Variants in LMNTD1 observed in about 807,000 individuals in gnomAD.
The protein encoded by LMNTD1 is lamin tail domain-containing protein 1.
LMNTD1 carries 35 observed loss-of-function variants against 50.9 expected under a neutral mutation model. The ratio of observed to expected loss-of-function variants is 0.69; its 90% CI spans 0.53 to 0.91. The LOEUF is 0.91. Ranked by LOEUF, LMNTD1 falls within the 40% of genes least tolerant of loss-of-function variation. The probability of loss-of-function intolerance (pLI) is 0.00; values close to 1 mark genes in which losing one functional copy is unlikely to be tolerated. For synonymous variants in LMNTD1, 153 were observed against 161.9 expected (o/e 0.94, Z 0.42); for missense variants, 470 against 475.5 (o/e 0.99, Z 0.11).
intron 6 of LMNTD1, among the ~76,000 whole-genome samples, chr12:25,523,536 T>C (rs1018571554): frequency 5.3e-5 from 8 of 152,176 alleles, no homozygotes; most frequent in Admixed American, 4.6e-4. Flanking sequence ...TCCAGGGTCA[T>C]GATGACACTT....
rs1394016666 is a variant in LMNTD1 at position 25,541,249 on chromosome 12, A to T, written c.491+5125T>A. Among the ~76,000 whole-genome samples, 4 of 82,380 alleles carry T rather than the reference A, an allele frequency of 4.9e-5. 1 individual carries two copies. Among genetic ancestry groups the T allele is most frequent in the African/African-American group, 6.8e-5 (2 of 29,274 alleles). 54.0% of individuals were successfully genotyped at this position (82,380 alleles called of 152,430 possible). A position where few individuals can be genotyped will look rare whatever the true frequency, so the allele number is the denominator to read the frequency against. On this transcript the variant is annotated intron_variant, in intron 4 of 9. Transcript: ENST00000458174. ...TACTTTAAAGTTCATATGGAACCAA[A>T]AAAGAGCCCGCATCACCAATTCAAT...
At chr12:25,542,831 G>A (rs1943183150) in intron 4 of LMNTD1, among the ~76,000 whole-genome samples, 2 of 149,458 alleles carry the variant, frequency 1.3e-5, no homozygotes, top group Non-Finnish European at 3.0e-5. Context: ...CAAAAAATAG[G>A]GGAAACCAAT....
intron 1 of LMNTD1, among the ~76,000 whole-genome samples, chr12:25,616,975 A>G (rs278996): frequency 0.045 from 6,871 of 152,232 alleles, 184 homozygotes; most frequent in Middle Eastern, 0.1. Context: ...AAAAAGGATG[A>G]AGTATACTGT....
chr12:25,507,701 T>A (rs1249868938), intron 8 of LMNTD1, among the ~76,000 whole-genome samples: 1 of 152,224 alleles, frequency 6.6e-6, no homozygotes, highest in Non-Finnish European at 1.5e-5. Context: ...TTATATAGGA[T>A]GTTGACACAT....
At chr12:25,545,041 T>G (rs996061163) in intron 4 of LMNTD1, among the ~76,000 whole-genome samples, 1 of 151,812 alleles carries the variant, frequency 6.6e-6, no homozygotes, top group African/African-American at 2.4e-5. Context: ...GGTTTTTCCA[T>G]GTACTTAATT....
At chr12:25,482,269 G>T (rs1464666668) in intron 9 of LMNTD1, among the ~76,000 whole-genome samples, 1 of 151,920 alleles carries the variant, frequency 6.6e-6, no homozygotes, top group Non-Finnish European at 1.5e-5. Flanking sequence ...ACTTAACCCT[G>T]CATGTTAATC....
chr12:25,488,529 T>G (rs1938747458), intron 9 of LMNTD1, among the ~76,000 whole-genome samples: 1 of 146,730 alleles, frequency 6.8e-6, no homozygotes, highest in Non-Finnish European at 1.5e-5. Flanking sequence ...TAGTTATACA[T>G]TCTTCTAAAT....
chr12:25,593,670 A>T (rs1411437197), intron 1 of LMNTD1, among the ~76,000 whole-genome samples: 1 of 151,986 alleles, frequency 6.6e-6, no homozygotes, highest in East Asian at 1.9e-4. Context: ...CCTAAAAATT[A>T]CTCTAGCTCA....
intron 1 of LMNTD1, among the ~76,000 whole-genome samples, chr12:25,647,738 T>C (rs1947104542): frequency 6.6e-6 from 1 of 152,170 alleles, no homozygotes. Context: ...TAAAAAAGCA[T>C]TTGCTATTAT....
At chr12:25,494,906 T>C (rs1455142169) in intron 9 of LMNTD1, among the ~76,000 whole-genome samples, 1 of 152,210 alleles carries the variant, frequency 6.6e-6, no homozygotes, top group Non-Finnish European at 1.5e-5. Flanking sequence ...TACATCATTA[T>C]TAACTGTCAC....
chr12:25,570,544 G>T (rs1406219695), intron 1 of LMNTD1, among the ~76,000 whole-genome samples: 1 of 152,258 alleles, frequency 6.6e-6, no homozygotes, highest in East Asian at 1.9e-4. Flanking sequence ...CAAAATGCAG[G>T]GATGAAAGTA....
At chr12:25,617,272 C>T (rs1213916306) in intron 1 of LMNTD1, among the ~76,000 whole-genome samples, 2 of 152,144 alleles carry the variant, frequency 1.3e-5, no homozygotes, top group Non-Finnish European at 2.9e-5. Context: ...GTGGGTAGTG[C>T]CTAGGTAACA....
chr12:25,641,362 T>A (rs907338839), intron 1 of LMNTD1, among the ~76,000 whole-genome samples: 1 of 152,188 alleles, frequency 6.6e-6, no homozygotes, highest in Non-Finnish European at 1.5e-5. Context: ...AATTATTGGC[T>A]GATACAGTAA....
chr12:25,488,796 A>G (rs1211395867), intron 9 of LMNTD1, among the ~76,000 whole-genome samples: 1 of 152,168 alleles, frequency 6.6e-6, no homozygotes, highest in Non-Finnish European at 1.5e-5. Flanking sequence ...ATGGTGATGT[A>G]CAGATGGGTT....
chr12:25,562,176 A>G (rs1053628692), intron 1 of LMNTD1, among the ~76,000 whole-genome samples: 3 of 152,310 alleles, frequency 2.0e-5, no homozygotes, highest in African/African-American at 4.8e-5. Flanking sequence ...TGATCCTGTC[A>G]TTATGATGTT....
At chr12:25,506,732 A>C (rs1268476670) in intron 8 of LMNTD1, among the ~76,000 whole-genome samples, 1 of 150,822 alleles carries the variant, frequency 6.6e-6, no homozygotes, top group Non-Finnish European at 1.5e-5. Flanking sequence ...GATTCTATCA[A>C]AAAATTGGTC....
At chr12:25,602,853 G>A (rs186865850) in intron 1 of LMNTD1, among the ~76,000 whole-genome samples, 221 of 152,100 alleles carry the variant, frequency 1.5e-3, no homozygotes, top group African/African-American at 5.0e-3. Context: ...TTCAATGTTA[G>A]TTGCTCTGGT....
At chr12:25,563,176 C>A (rs1351166553) in intron 1 of LMNTD1, among the ~76,000 whole-genome samples, 1 of 152,234 alleles carries the variant, frequency 6.6e-6, no homozygotes, top group African/African-American at 2.4e-5. Context: ...AGCTTTGTTC[C>A]ATTGCTGGCG....
upstream of LMNTD1, among the ~76,000 whole-genome samples, chr12:25,554,921 C>A (rs2136274517): frequency 6.6e-6 from 1 of 152,106 alleles, no homozygotes; most frequent in African/African-American, 2.4e-5. Context: ...CAAAAATCAG[C>A]TGGGTGTGGT....
Sources: allele counts gnomAD v4.1 joint callset (sites outside exome capture counted in the v4.1 genomes callset), GRCh38; gene constraint gnomAD v4.1.1; transcripts MANE v1.5; gene names NCBI Gene and HGNC (gene_info 2026-07-23, HGNC 2026-07-21).